SKAP1: variants seen among roughly 807,000 people sequenced by gnomAD.
SKAP1 encodes src kinase-associated phosphoprotein 1.
Under a neutral mutation model 58.5 loss-of-function variants are expected in SKAP1, and 44 were observed. The ratio of observed to expected loss-of-function variants is 0.75; its 90% CI spans 0.59 to 0.97. The LOEUF is 0.97. Ranked by LOEUF, SKAP1 falls within the 50% of genes least tolerant of loss-of-function variation. The pLI is 0.00. For missense variants in SKAP1, 390 were observed against 435.2 expected, an observed-to-expected ratio of 0.90 and a Z score of 0.92; for synonymous variants, 127 against 149.7, an observed-to-expected ratio of 0.85 and a Z score of 1.11.
intron 11 of SKAP1, among the ~76,000 whole-genome samples, chr17:48,154,236 G>A (rs2063942010): frequency 1.3e-5 from 2 of 152,204 alleles, no homozygotes; most frequent in Admixed American, 6.5e-5. Flanking sequence ...TGTGGAGCCA[G>A]GATCTCATCT....
intron 2 of SKAP1, among the ~76,000 whole-genome samples, chr17:48,372,149 T>A (rs1297465334): frequency 6.6e-6 from 1 of 151,928 alleles, no homozygotes; most frequent in African/African-American, 2.4e-5. Context: ...TTTTTTATCT[T>A]TTAGTAGAGA....
intron 4 of SKAP1, among the ~76,000 whole-genome samples, chr17:48,207,390 G>T (rs1219458977): frequency 6.6e-6 from 1 of 151,478 alleles, no homozygotes; most frequent in African/African-American, 2.4e-5. Context: ...GGAGGCTGAG[G>T]CACAAGAATT....
chr17:48,294,727 C>T (rs1319072162), intron 4 of SKAP1, among the ~76,000 whole-genome samples: 5 of 152,114 alleles, frequency 3.3e-5, no homozygotes, highest in Admixed American at 2.6e-4. Flanking sequence ...CTTCAAGTTC[C>T]CAAGACATCA....
At chr17:48,301,726 C>G (rs2066059911) in intron 4 of SKAP1, among the ~76,000 whole-genome samples, 1 of 152,166 alleles carries the variant, frequency 6.6e-6, no homozygotes, top group Non-Finnish European at 1.5e-5. Flanking sequence ...ATCCGCCCAC[C>G]TTGGCCTCCC....
At position 48,180,326 on chromosome 17, in the gene SKAP1, G is replaced by A. The variant is rs919753203; in HGVS notation, c.632-78C>T. 12 of 1,113,666 alleles carry A rather than the reference G, an allele frequency of 1.1e-5. No individual in the cohort carries two copies. In the Admixed American group the frequency reaches 2.5e-4, roughly 23 times the overall value. The allele number at this position is 1,113,666 out of a possible 1,614,324, so 69.0% of individuals were successfully genotyped here. A position where few individuals can be genotyped will look rare whatever the true frequency, so the allele number is the denominator to read the frequency against. On this transcript the variant is annotated intron_variant, in intron 8 of 12. Transcript: ENST00000336915. ...ACAGGAAAGGAAAGAGGGAGAAGGA[G>A]GAGGAGGGATGAGAGTAAAATATGT...
intron 4 of SKAP1, among the ~76,000 whole-genome samples, chr17:48,237,919 AT>A (rs34392180): frequency 0.53 from 77,235 of 145,508 alleles, 21,519 homozygotes; most frequent in East Asian, 0.76. Context: ...TTTGGTTCAG[AT>A]TTTTTTTTTT....
chr17:48,330,909 T>C (rs1009926523), intron 4 of SKAP1, among the ~76,000 whole-genome samples: 1 of 152,190 alleles, frequency 6.6e-6, no homozygotes, highest in Non-Finnish European at 1.5e-5. Context: ...GCAAGGATTC[T>C]GTTATCGTTG....
In SKAP1 at chr17:48,345,999, G is replaced by A. The variant is rs763137474; in HGVS notation, c.186C>T (p.Asp62=). 5.6e-6 allele frequency: 9 copies of A among 1,601,884 alleles called. No homozygotes were observed. Among genetic ancestry groups the A allele is most frequent in the Admixed American group, 5.1e-5 (3 of 58,390 alleles). The change falls in exon 4 of 13, where the codon GAC becomes GAT. Residue 62 remains aspartate (D), a synonymous_variant. Transcript: ENST00000336915. ...YYWDFQPQGG[D]IGQDSSDDNH... ...TATCATCAGAGCTGTCCTGTCCAAT[G>A]TCTCCCCCTGAGGGACAAAAAAGAC...
chr17:48,269,364 A>G lies in SKAP1; in HGVS notation c.280+76541T>C, dbSNP rs150859915. 8.5e-5 allele frequency among the ~76,000 whole-genome samples: 13 copies of G among 152,298 alleles called. No homozygotes were observed. In the East Asian group the frequency reaches 2.3e-3, roughly 27 times the overall value. ...ACAACTATCTGTCTACACCAGGACT[A>G]GAGATCTATACTAGTCCACTAGATA... is the stretch of plus-strand genomic sequence containing the variant. On this transcript the variant is annotated intron_variant, in intron 4 of 12. Transcript: ENST00000336915.
At chr17:48,233,575 C>A (rs781304326) in intron 4 of SKAP1, among the ~76,000 whole-genome samples, 8 of 151,060 alleles carry the variant, frequency 5.3e-5, no homozygotes, top group Admixed American at 1.3e-4. Flanking sequence ...AGATTACTGG[C>A]CAAGTGTGGT....
At chr17:48,250,436 C>T (rs1157146652) in intron 4 of SKAP1, among the ~76,000 whole-genome samples, 1 of 151,384 alleles carries the variant, frequency 6.6e-6, no homozygotes, top group Non-Finnish European at 1.5e-5. Context: ...GCGTGCACCA[C>T]CGCGCCCAGC....
chr17:48,424,221 C>CT (rs71366876), intron 1 of SKAP1, among the ~76,000 whole-genome samples: 12,530 of 106,598 alleles, frequency 0.12, 1,473 homozygotes, highest in African/African-American at 0.26. Flanking sequence ...TCTGGGACCT[C>CT]TTTTTTTTTT....
intron 4 of SKAP1, among the ~76,000 whole-genome samples, chr17:48,207,408 C>T (rs564834599): frequency 7.9e-5 from 12 of 150,952 alleles, no homozygotes; most frequent in African/African-American, 2.2e-4. Context: ...ATTGCTTGAG[C>T]CTGGGAGGCA....
chr17:48,206,338 T>C (rs1358281476), intron 4 of SKAP1, among the ~76,000 whole-genome samples: 1 of 152,110 alleles, frequency 6.6e-6, no homozygotes, highest in Non-Finnish European at 1.5e-5. Context: ...GGAGCTTCCA[T>C]GTCCTCCCTG....
rs181695560 is a variant in SKAP1 at position 48,326,928 on chromosome 17, G to A, written c.280+18977C>T. The stretch of plus-strand genomic sequence containing the variant: ...TTTTTTTGAGATGGAGTCTTGCTAT[G>A]TCCCCCAGGCTGGAGTGCAGTGGCG... On this transcript the variant is annotated intron_variant, in intron 4 of 12. Transcript: ENST00000336915. Among the ~76,000 whole-genome samples the A allele has an allele frequency of 6.5e-5, 7 of 107,024 alleles. No individual in the cohort carries two copies. The East Asian group carries it at 1.9e-3, about 30-fold the overall frequency. 70.2% of individuals were successfully genotyped at this position (107,024 alleles called of 152,430 possible).
chr17:48,247,265 C>T (rs2065306404), intron 4 of SKAP1, among the ~76,000 whole-genome samples: 3 of 152,284 alleles, frequency 2.0e-5, no homozygotes, highest in South Asian at 4.1e-4. Context: ...GACCTGTATA[C>T]AGCACAACTA....
intron 4 of SKAP1, among the ~76,000 whole-genome samples, chr17:48,237,009 T>C (rs1276367446): frequency 6.6e-6 from 1 of 152,200 alleles, no homozygotes; most frequent in Admixed American, 6.5e-5. Flanking sequence ...ATAAGGGAAC[T>C]TGAATTTGGT....
intron 8 of SKAP1, among the ~76,000 whole-genome samples, chr17:48,181,805 A>G (rs1177268725): frequency 1.3e-5 from 2 of 152,086 alleles, no homozygotes; most frequent in African/African-American, 4.8e-5. Context: ...TTCCCTGGCC[A>G]TTGTTTCTGC....
the SKAP1 span, among the ~76,000 whole-genome samples, chr17:48,442,328 T>G: frequency 6.6e-6 from 1 of 152,202 alleles, no homozygotes; most frequent in South Asian, 2.1e-4. Context: ...GTAGGTTTGC[T>G]GCACAGAAAA....
Sources: gnomAD v4.1 joint callset for allele counts (sites outside exome capture counted in the v4.1 genomes callset) on GRCh38, gnomAD v4.1.1 for gene constraint, MANE v1.5 for transcripts, NCBI Gene and HGNC (gene_info 2026-07-23, HGNC 2026-07-21) for gene names.